PTGER4: variants seen among roughly 807,000 people sequenced by gnomAD.
PTGER4 encodes prostaglandin E receptor 4.
PTGER4 carries 11 observed loss-of-function variants against 33.2 expected under a neutral mutation model. The observed-to-expected ratio is 0.33, with a 90% CI of 0.21 to 0.55. The LOEUF (loss-of-function observed/expected upper bound fraction) is 0.55. PTGER4 is among the 20% of genes least tolerant of loss of function. The pLI, the probability that PTGER4 is intolerant of heterozygous loss-of-function variation, is 0.92. For synonymous variants in PTGER4, 275 were observed against 281.5 expected, an observed-to-expected ratio of 0.98 and a Z score of 0.23; for missense variants, 481 against 650.2, an observed-to-expected ratio of 0.74 and a Z score of 2.83.
chr5:40,716,231 A>C, the PTGER4 span: 1 of 1,614,222 alleles, frequency 6.2e-7, no homozygotes, highest in Non-Finnish European at 8.5e-7. Context: ...CCAGAAGCAG[A>C]CACAATAACC....
At chr5:40,697,536 G>T (rs1358235287), downstream of PTGER4, among the ~76,000 whole-genome samples, 4 of 136,782 alleles carry the variant, frequency 2.9e-5, no homozygotes, top group Non-Finnish European at 4.6e-5. Flanking sequence ...GGTGAGCTGA[G>T]ATCATGCCAT....
At chr5:40,722,130 G>A in the PTGER4 span, among the ~76,000 whole-genome samples, 4 of 151,700 alleles carry the variant, frequency 2.6e-5, no homozygotes, top group Non-Finnish European at 3.0e-5. Context: ...GCTTAAACCC[G>A]GGAGGCGGAG....
chr5:40,692,543 C>G lies in PTGER4; in HGVS notation c.*165C>G. The stretch of plus-strand genomic sequence containing the variant: ...AGCACTTTTCAAACAATCAAGTTGA[C>G]TCACGTGGGTCCTGAGGCCTGCAGC... On this transcript the variant is annotated 3_prime_UTR_variant, in exon 3 of 3. Transcript: ENST00000302472. The G allele has an allele frequency of 7.0e-7, 1 of 1,426,000 alleles. No individual in the cohort carries two copies. Among genetic ancestry groups the G allele is most frequent in the South Asian group, 1.5e-5 (1 of 64,890 alleles). The allele number at this position is 1,426,000 out of a possible 1,614,324, so 88.3% of individuals were successfully genotyped here. A position where few individuals can be genotyped will look rare whatever the true frequency, so the allele number is the denominator to read the frequency against.
At position 40,681,413 on chromosome 5, in the gene PTGER4, C is replaced by G; in HGVS notation, c.420C>G (p.Leu140=). The G allele has an allele frequency of 6.2e-7, 1 of 1,614,060 alleles. No individual in the cohort carries two copies. Among genetic ancestry groups the G allele is most frequent in the Non-Finnish European group, 8.5e-7 (1 of 1,180,044 alleles). Residue 140 remains leucine, a synonymous_variant, in exon 2 of 3, where the codon CTC becomes CTG. Coordinates refer to ENST00000302472, the MANE Select transcript of PTGER4 (RefSeq NM_000958.3). The surrounding 1 kb of genome is among the most constrained non-coding windows in gnomAD (Gnocchi z 9.8). ...YVDKRLAGLT[L]FAVYASNVLF... is the part of the protein sequence containing the mutation. ...ACAAGCGATTGGCGGGCCTCACGCT[C>G]TTTGCAGTCTATGCGTCCAACGTGC...
the PTGER4 span, chr5:40,715,561 TAA>T: frequency 6.6e-6 from 1 of 152,322 alleles, no homozygotes; most frequent in Non-Finnish European, 1.5e-5. Context: ...AAATCAGAAT[TAA>T]GAGAAACTTC....
intron 2 of PTGER4, among the ~76,000 whole-genome samples, chr5:40,689,906 A>G (rs776679236): frequency 4.6e-5 from 7 of 152,116 alleles, no homozygotes; most frequent in African/African-American, 1.7e-4. Context: ...TTTTATTTCT[A>G]TACTACTATT....
rs1052093170 is a variant in PTGER4, at chr5:40,693,647, A to G, written c.*1269A>G. ...TTTTGTGAATTGCTTGGTTGTAATT[A>G]AATTCTGAGCCTGATATTGATATGG... is the stretch of plus-strand genomic sequence containing the variant. On this transcript the variant is annotated 3_prime_UTR_variant, in exon 3 of 3. Transcript: ENST00000302472. 2.0e-6 allele frequency: 2 copies of G among 984,072 alleles called. No homozygotes were observed. The highest frequency in any genetic ancestry group is 2.4e-6 in the Non-Finnish European group (2 of 828,146). The allele number at this position is 984,072 out of a possible 1,614,324, so 61.0% of individuals were successfully genotyped here. A position where few individuals can be genotyped will look rare whatever the true frequency, so the allele number is the denominator to read the frequency against.
chr5:40,728,444 T>C, the PTGER4 span: 3 of 1,612,506 alleles, frequency 1.9e-6, no homozygotes, highest in Non-Finnish European at 2.5e-6. Flanking sequence ...CTGCATGTAC[T>C]GCTGGGAACA....
At chr5:40,689,263 T>G (rs905260101) in intron 2 of PTGER4, among the ~76,000 whole-genome samples, 4 of 152,030 alleles carry the variant, frequency 2.6e-5, no homozygotes, top group Non-Finnish European at 5.9e-5. Flanking sequence ...ACAAAGGAAA[T>G]GAACAAAAAT....
chr5:40,743,460 A>G, the PTGER4 span, among the ~76,000 whole-genome samples: 1 of 152,106 alleles, frequency 6.6e-6, no homozygotes, highest in Non-Finnish European at 1.5e-5. Context: ...ATTACTTTCA[A>G]TCAAGTTTAG....
At chr5:40,729,094 T>G in the PTGER4 span, among the ~76,000 whole-genome samples, 1 of 152,204 alleles carries the variant, frequency 6.6e-6, no homozygotes, top group African/African-American at 2.4e-5. Flanking sequence ...CTTTAAAAGA[T>G]TTGTGATACA....
chr5:40,717,324 T>C, the PTGER4 span, among the ~76,000 whole-genome samples: 2 of 152,130 alleles, frequency 1.3e-5, no homozygotes, highest in Non-Finnish European at 2.9e-5. Context: ...AGTACTATTT[T>C]AGAGAAGCAC....
chr5:40,728,193 AGAATC>A, the PTGER4 span: 1 of 510,866 alleles, frequency 2.0e-6, no homozygotes, highest in Non-Finnish European at 3.2e-6. Context: ...CTGAGACAGG[AGAATC>A]GCTTGAACCC....
chr5:40,696,630 T>C (rs574162432), downstream of PTGER4: 757 of 959,582 alleles, frequency 7.9e-4, no homozygotes, highest in Non-Finnish European at 9.1e-4. Flanking sequence ...CAATCATTTA[T>C]CCATTCCCTT....
the PTGER4 span, among the ~76,000 whole-genome samples, chr5:40,699,697 GA>G: frequency 6.6e-6 from 1 of 152,048 alleles, no homozygotes; most frequent in Non-Finnish European, 1.5e-5. Flanking sequence ...TTTAGTATCT[GA>G]AAAATAAATG....
Position 40,687,246 on chromosome 5 carries a change from T to C in PTGER4, c.868-4533T>C, listed in dbSNP as rs534753425. ...TTTTGGTAGAGACTGGGTTTCTCCA[T>C]GTTAGTCAGGCTGGTCTCAAACTCC... On this transcript the variant is annotated intron_variant, in intron 2 of 2. Transcript: ENST00000302472. Among the ~76,000 whole-genome samples the C allele has an allele frequency of 6.9e-4, 105 of 152,170 alleles. No individual in the cohort carries two copies. In the South Asian group the frequency reaches 0.01, roughly 15 times the overall value.
At chr5:40,726,843 A>C in the PTGER4 span, among the ~76,000 whole-genome samples, 1 of 152,120 alleles carries the variant, frequency 6.6e-6, no homozygotes, top group South Asian at 2.1e-4. Context: ...GCAAGGAAAA[A>C]GTATTATATG....
chr5:40,702,080 A>G, the PTGER4 span, among the ~76,000 whole-genome samples: 1 of 152,136 alleles, frequency 6.6e-6, no homozygotes, highest in African/African-American at 2.4e-5. Flanking sequence ...CAAAAACACA[A>G]ACACAGAGAC....
chr5:40,702,575 A>C, the PTGER4 span, among the ~76,000 whole-genome samples: 1 of 152,246 alleles, frequency 6.6e-6, no homozygotes, highest in Non-Finnish European at 1.5e-5. Flanking sequence ...AGAGACTTCA[A>C]CACACCACTG....
Sources: allele counts gnomAD v4.1 joint callset (sites outside exome capture counted in the v4.1 genomes callset), GRCh38; gene constraint gnomAD v4.1.1; non-coding constraint Gnocchi (gnomAD v3.1); transcripts MANE v1.5; gene names NCBI Gene and HGNC (gene_info 2026-07-23, HGNC 2026-07-21).